Variants in TPRG1 observed in about 807,000 individuals in gnomAD.
TPRG1 encodes tumor protein p63-regulated gene 1 protein.
A neutral mutation model predicts 29.3 loss-of-function variants in TPRG1; 29 were observed. That is an observed-to-expected ratio of 0.99 (90% confidence interval 0.74 to 1.35). The LOEUF (loss-of-function observed/expected upper bound fraction) is 1.35, where lower values mean the gene tolerates loss of function less well. Ranked by LOEUF, TPRG1 falls within the 40% of genes most tolerant of loss-of-function variation. TPRG1 has a pLI of 0.00. For missense variants in TPRG1, 327 were observed against 335.0 expected, an observed-to-expected ratio of 0.98 and a Z score of 0.19; for synonymous variants, 130 against 116.8, an observed-to-expected ratio of 1.11 and a Z score of -0.73.
At chr3:189,027,361 T>C (rs1713715475) in intron 4 of TPRG1, among the ~76,000 whole-genome samples, 1 of 152,226 alleles carries the variant, frequency 6.6e-6, no homozygotes, top group Non-Finnish European at 1.5e-5. Context: ...TTCTAAAAGA[T>C]GCAGCTGTTC....
At chr3:189,104,766 A>G (rs1458277052) in intron 1 of TPRG1, among the ~76,000 whole-genome samples, 2 of 151,970 alleles carry the variant, frequency 1.3e-5, no homozygotes, top group Non-Finnish European at 2.9e-5. Flanking sequence ...ATTTTCTTGG[A>G]TGTGCCTCCT....
At chr3:188,999,476 G>A (rs1711933024) in intron 1 of TPRG1, among the ~76,000 whole-genome samples, 1 of 152,140 alleles carries the variant, frequency 6.6e-6, no homozygotes, top group Non-Finnish European at 1.5e-5. Flanking sequence ...TATGCACAGG[G>A]GTTAGGAGCA....
rs1242137021 is a variant in TPRG1 at position 189,321,258 on chromosome 3, C to T, written c.*438C>T. 1 of 142,476 alleles carries T rather than the reference C, an allele frequency of 7.0e-6. No individual in the cohort carries two copies. The highest frequency in any genetic ancestry group is 1.5e-5 in the Non-Finnish European group (1 of 64,668). 8.8% of individuals were successfully genotyped at this position (142,476 alleles called of 1,614,324 possible). A position where few individuals can be genotyped will look rare whatever the true frequency, so the allele number is the denominator to read the frequency against. The stretch of plus-strand genomic sequence containing the variant: ...TTTAGCTACCACTTGATAAGGATGA[C>T]TTCCAAATTTATATTCCCATTCCCA... On this transcript the variant is annotated 3_prime_UTR_variant, in exon 6 of 6. Coordinates refer to ENST00000345063, the MANE Select transcript of TPRG1 (RefSeq NM_198485.4).
chr3:189,181,350 A>C (rs1667480124), intron 1 of TPRG1, among the ~76,000 whole-genome samples: 1 of 152,192 alleles, frequency 6.6e-6, no homozygotes, highest in South Asian at 2.1e-4. Flanking sequence ...GTCAGGCTGC[A>C]AATTTCCCAA....
intron 3 of TPRG1, among the ~76,000 whole-genome samples, chr3:189,228,996 T>A (rs748772291): frequency 1.9e-3 from 288 of 152,258 alleles, no homozygotes; most frequent in Non-Finnish European, 2.2e-3. Flanking sequence ...AAAGCTAAAA[T>A]TAAAAATGCA....
At chr3:189,075,305 T>C (rs943884177) in intron 4 of TPRG1, among the ~76,000 whole-genome samples, 2 of 151,788 alleles carry the variant, frequency 1.3e-5, no homozygotes, top group African/African-American at 2.4e-5. Context: ...GCTAATTTTC[T>C]TGTATTTTTA....
rs755212303 is a variant in TPRG1, at chr3:189,215,385, T to G, written c.302+2T>G. On this transcript the variant is annotated splice_donor_variant, in intron 3 of 5. Coordinates refer to ENST00000345063, the MANE Select transcript of TPRG1 (RefSeq NM_198485.4). LOFTEE classifies it high-confidence loss of function. ...TCAAGGCTTCTGGCTCTTGACAAAG[T>G]GAGTAGTCACAGCTAAGTGAAGGGC... The G allele has an allele frequency of 7.5e-6, 12 of 1,610,528 alleles. No homozygotes were observed. In the South Asian group the frequency reaches 1.3e-4, roughly 18 times the overall value.
intron 1 of TPRG1, among the ~76,000 whole-genome samples, chr3:189,204,955 A>T (rs200745656): frequency 0.18 from 26,490 of 149,880 alleles, 2,389 homozygotes; most frequent in Middle Eastern, 0.26. Flanking sequence ...TCTCACACAC[A>T]CACACACACA....
chr3:189,196,606 A>T (rs1373640659), intron 1 of TPRG1, among the ~76,000 whole-genome samples: 6 of 152,142 alleles, frequency 3.9e-5, no homozygotes, highest in Non-Finnish European at 7.3e-5. Flanking sequence ...ACAGCATGGA[A>T]AAGACTGGCC....
intron 4 of TPRG1, among the ~76,000 whole-genome samples, chr3:189,252,543 T>C (rs1486849168): frequency 2.0e-5 from 3 of 152,216 alleles, no homozygotes; most frequent in Non-Finnish European, 4.4e-5. Context: ...ATTGTGTTTA[T>C]AACCTCCCAG....
intron 1 of TPRG1, among the ~76,000 whole-genome samples, chr3:189,173,318 A>G (rs994593432): frequency 2.1e-5 from 3 of 144,752 alleles, no homozygotes; most frequent in East Asian, 2.0e-4. Context: ...ACTTCTATAT[A>G]TTCTTTTTCT....
At chr3:189,179,764 T>A (rs911480120) in intron 1 of TPRG1, among the ~76,000 whole-genome samples, 1 of 152,238 alleles carries the variant, frequency 6.6e-6, no homozygotes, top group Admixed American at 6.5e-5. Flanking sequence ...AGCACTCTTT[T>A]ATGCCATTTA....
chr3:189,142,636 A>G (rs1724723878), intron 3 of TPRG1, among the ~76,000 whole-genome samples: 1 of 152,200 alleles, frequency 6.6e-6, no homozygotes, highest in African/African-American at 2.4e-5. Context: ...AAGAGACTCT[A>G]ACTCAACCCT....
At chr3:189,135,929 C>A (rs1446232770) in intron 3 of TPRG1, among the ~76,000 whole-genome samples, 1 of 152,170 alleles carries the variant, frequency 6.6e-6, no homozygotes, top group African/African-American at 2.4e-5. Flanking sequence ...CTCTCTGAAG[C>A]CTTCTTTGAT....
At chr3:189,124,125 G>A (rs749475792) in intron 1 of TPRG1, among the ~76,000 whole-genome samples, 6 of 151,986 alleles carry the variant, frequency 3.9e-5, no homozygotes, top group South Asian at 2.1e-4. Context: ...ACTAATTCAC[G>A]TGTTCATTCA....
At chr3:189,163,900 A>C (rs1727807675) in intron 5 of TPRG1, among the ~76,000 whole-genome samples, 1 of 152,158 alleles carries the variant, frequency 6.6e-6, no homozygotes, top group South Asian at 2.1e-4. Flanking sequence ...AATCATTCTG[A>C]AAACAATTGG....
intron 4 of TPRG1, among the ~76,000 whole-genome samples, chr3:189,257,166 T>C (rs112620094): frequency 0.011 from 1,737 of 152,338 alleles, 43 homozygotes; most frequent in African/African-American, 0.04. Flanking sequence ...CCATATTTAG[T>C]GCTTCCTTCA....
chr3:189,071,444 C>A (rs1716807071), intron 4 of TPRG1, among the ~76,000 whole-genome samples: 1 of 152,002 alleles, frequency 6.6e-6, no homozygotes, highest in Non-Finnish European at 1.5e-5. Context: ...CACAGCAATG[C>A]AGAGGTATTT....
At chr3:189,080,127 G>A (rs1223948204) in intron 4 of TPRG1, among the ~76,000 whole-genome samples, 1 of 152,230 alleles carries the variant, frequency 6.6e-6, no homozygotes, top group African/African-American at 2.4e-5. Context: ...GTAAGAGCTA[G>A]AAAAGATGTT....
Sources: allele counts gnomAD v4.1 joint callset (sites outside exome capture counted in the v4.1 genomes callset), GRCh38; gene constraint gnomAD v4.1.1; transcripts MANE v1.5; gene names NCBI Gene and HGNC (gene_info 2026-07-23, HGNC 2026-07-21).